The following ZNF91 variants were observed in gnomAD, a reference collection of about 807,000 sequenced individuals.
ZNF91 encodes zinc finger protein 91 (HPF7, HTF10).
A neutral mutation model predicts 12.6 loss-of-function variants in ZNF91; 7 were observed. The observed-to-expected ratio is 0.55, with a 90% CI of 0.31 to 1.04. ZNF91 has a LOEUF of 1.04. Ranked by LOEUF, ZNF91 falls within the 50% of genes least tolerant of loss-of-function variation. The pLI, the probability that ZNF91 is intolerant of heterozygous loss-of-function variation, is 0.05. For missense variants in ZNF91, 1,217 were observed against 1,385.4 expected (o/e 0.88, Z 1.93); for synonymous variants, 453 against 462.6 (o/e 0.98, Z 0.27).
chr19:23,348,283 C>T (rs1021117722), intron 3 of ZNF91, among the ~76,000 whole-genome samples: 4 of 152,160 alleles, frequency 2.6e-5, no homozygotes, highest in Non-Finnish European at 4.4e-5. Flanking sequence ...CTGAATGTTG[C>T]GGGAAGTCAG....
chr19:23,373,610 T>A (rs1299802211), intron 3 of ZNF91, 132 bp downstream of exon 3: 36 of 581,482 alleles, frequency 6.2e-5, no homozygotes, highest in South Asian at 1.9e-4. Context: ...TAGCATAATT[T>A]AAAAAAAAAA....
intron 1 of ZNF91, among the ~76,000 whole-genome samples, chr19:23,393,589 GCA>G (rs915571375): frequency 8.6e-5 from 13 of 152,026 alleles, no homozygotes; most frequent in Middle Eastern, 3.2e-3. Flanking sequence ...CGAAAAAAAC[GCA>G]CAGAGATATT....
At chr19:23,326,105 G>T (rs372345382) in intron 1 of ZNF91, 1 of 152,136 alleles carries the variant, frequency 6.6e-6, no homozygotes, top group Non-Finnish European at 1.5e-5. Flanking sequence ...CCCCAGCAAA[G>T]AATATTTACT....
At chr19:23,345,820 A>G (rs1032215581) in intron 3 of ZNF91, among the ~76,000 whole-genome samples, 1 of 151,804 alleles carries the variant, frequency 6.6e-6, no homozygotes, top group African/African-American at 2.4e-5. Context: ...CCTCCTCAGG[A>G]CAATTCTAGT....
In ZNF91 at chr19:23,383,929, G is replaced by A. The variant is rs181276664; in HGVS notation, c.31-9165C>T. 3.8e-3 allele frequency among the ~76,000 whole-genome samples: 572 copies of A among 152,178 alleles called. 9 individuals are homozygous for A. Among genetic ancestry groups the A allele is most frequent in the African/African-American group, 0.013 (549 of 41,502 alleles). On this transcript the variant is annotated intron_variant, in intron 1 of 3. Coordinates refer to ENST00000300619, the MANE Select transcript of ZNF91 (RefSeq NM_003430.4). ...GTTCGAGACTAGCCTGACCAACATGGTGAAACCCTGTCTCTACTAAAAATA... is the reference window on the plus strand; with the variant it reads ...GTTCGAGACTAGCCTGACCAACATGATGAAACCCTGTCTCTACTAAAAATA...
At chr19:23,318,187 T>C (rs1967609941) in intron 1 of ZNF91, among the ~76,000 whole-genome samples, 1 of 152,198 alleles carries the variant, frequency 6.6e-6, no homozygotes, top group South Asian at 2.1e-4. Flanking sequence ...GACACCCAAG[T>C]TATGTGATTC....
At chr19:23,314,649 C>T (rs1373338865), upstream of ZNF91, among the ~76,000 whole-genome samples, 17 of 152,074 alleles carry the variant, frequency 1.1e-4, no homozygotes, top group Admixed American at 1.0e-3. Flanking sequence ...TTTCTCTTTT[C>T]TTCATCCTGA....
At chr19:23,352,958 AAC>A (rs903676297), downstream of ZNF91, among the ~76,000 whole-genome samples, 2 of 152,216 alleles carry the variant, frequency 1.3e-5, no homozygotes, top group Non-Finnish European at 2.9e-5. Flanking sequence ...AAATTTATAA[AAC>A]AGTTACTAAT....
At chr19:23,372,917 C>A (rs1969343437) in intron 3 of ZNF91, among the ~76,000 whole-genome samples, 2 of 152,204 alleles carry the variant, frequency 1.3e-5, no homozygotes, top group African/African-American at 4.8e-5. Flanking sequence ...ACTGCAGAAA[C>A]CTGCCCTTGG....
In ZNF91 at chr19:23,388,728, C is replaced by G. The variant is rs1010131997; in HGVS notation, c.30+6597G>C. Among the ~76,000 whole-genome samples, 4 of 151,984 alleles carry G rather than the reference C, an allele frequency of 2.6e-5. No individual in the cohort carries two copies. The East Asian group carries it at 7.7e-4, about 29-fold the overall frequency. ...CTCTACTAAAAAATACAAAAATTAG[C>G]CAGGCATGGTGGTGGGCACCTGTAA... On this transcript the variant is annotated intron_variant, in intron 1 of 3. Transcript: ENST00000300619.
intron 1 of ZNF91, among the ~76,000 whole-genome samples, chr19:23,383,467 C>T (rs935618359): frequency 3.9e-5 from 6 of 152,102 alleles, no homozygotes; most frequent in Admixed American, 1.3e-4. Context: ...GCAGGTGGAT[C>T]GCCTGAGGTC....
rs956199039 is a variant in ZNF91, at chr19:23,344,425, T to A, written c.254-5371A>T. On this transcript the variant is annotated intron_variant, in intron 3 of 3. Transcript: ENST00000599743. ...ATAAATTATAATCTGAATCTAATCATGAAAAACATGTTTTATGCAAAGTTC... is the reference window on the plus strand; with the variant it reads ...ATAAATTATAATCTGAATCTAATCAAGAAAAACATGTTTTATGCAAAGTTC... Among the ~76,000 whole-genome samples, 7 of 152,158 alleles carry A rather than the reference T, an allele frequency of 4.6e-5. No homozygotes were observed. The East Asian group carries it at 1.3e-3, about 29-fold the overall frequency.
chr19:23,362,314 G>A lies in ZNF91; in HGVS notation c.665C>T (p.Ser222Phe). ...CKECEKTFHWSSTLTNHKEIH... is the reference protein window; with the variant it reads ...CKECEKTFHWFSTLTNHKEIH... ...TTCCTTATGATTAGTAAGGGTTGAG[G>A]ACCAATGAAAGGTTTTTTCACATTC... Residue 222 changes from serine (S) to phenylalanine (F), a missense_variant, in exon 4 of 4, where the codon TCC becomes TTC. By Grantham distance (155) the Ser-to-Phe change is radical (BLOSUM62 -2). Transcript: ENST00000300619. The A allele has an allele frequency of 6.2e-7, 1 of 1,613,652 alleles. No homozygotes were observed. Among genetic ancestry groups the A allele is most frequent in the East Asian group, 2.2e-5 (1 of 44,852 alleles).
downstream of ZNF91, among the ~76,000 whole-genome samples, chr19:23,337,439 G>A (rs1384684279): frequency 3.4e-5 from 5 of 148,714 alleles, no homozygotes; most frequent in East Asian, 9.9e-4. Context: ...AAGCCACATG[G>A]CCCTATGCAA....
At chr19:23,376,166 T>C (rs58575480) in intron 1 of ZNF91, among the ~76,000 whole-genome samples, 97 of 152,326 alleles carry the variant, frequency 6.4e-4, no homozygotes, top group African/African-American at 2.2e-3. Flanking sequence ...CAACATTATA[T>C]GTTCTCCATC....
At chr19:23,330,261 G>C (rs900536387) in intron 1 of ZNF91, among the ~76,000 whole-genome samples, 2 of 152,024 alleles carry the variant, frequency 1.3e-5, no homozygotes, top group Admixed American at 6.6e-5. Flanking sequence ...AACCTGGGAG[G>C]TGGAGGTTGC....
At chr19:23,363,567 C>G (rs1968892876) in intron 3 of ZNF91, among the ~76,000 whole-genome samples, 1 of 152,192 alleles carries the variant, frequency 6.6e-6, no homozygotes, top group South Asian at 2.1e-4. Context: ...TGTTTTCAAA[C>G]TATGCCAGGA....
At chr19:23,389,687 AGGTTT>A (rs1969996782) in intron 1 of ZNF91, among the ~76,000 whole-genome samples, 2 of 152,308 alleles carry the variant, frequency 1.3e-5, no homozygotes, top group African/African-American at 4.8e-5. Context: ...GGACACCCAG[AGGTTT>A]ATACTAATCC....
chr19:23,377,669 C>T (rs371328554), intron 1 of ZNF91, among the ~76,000 whole-genome samples: 16 of 152,158 alleles, frequency 1.1e-4, no homozygotes, highest in African/African-American at 3.6e-4. Context: ...ATGAAGACAA[C>T]CATTCTCTAT....
Sources: gnomAD v4.1 joint callset for allele counts (sites outside exome capture counted in the v4.1 genomes callset) on GRCh38, gnomAD v4.1.1 for gene constraint, MANE v1.5 for transcripts, NCBI Gene and HGNC (gene_info 2026-07-23, HGNC 2026-07-21) for gene names.